Variants in AGMO observed in about 807,000 individuals in gnomAD.
The protein encoded by AGMO is alkylglycerol monooxygenase, also known as glyceryl-ether monooxygenase.
AGMO carries 75 observed loss-of-function variants against 60.2 expected under a neutral mutation model. The ratio of observed to expected loss-of-function variants is 1.25; its 90% CI spans 1.03 to 1.51. The LOEUF (loss-of-function observed/expected upper bound fraction) is 1.51, where lower values mean the gene tolerates loss of function less well. Among genes scored for constraint, AGMO ranks in the 40% most tolerant of loss-of-function variants. AGMO has a pLI of 0.00. For synonymous variants in AGMO, 261 were observed against 177.1 expected (o/e 1.47, Z -3.76); for missense variants, 763 against 525.5 (o/e 1.45, Z -4.42).
At chr7:15,186,067 T>C in the AGMO span, among the ~76,000 whole-genome samples, 7 of 152,318 alleles carry the variant, frequency 4.6e-5, no homozygotes, top group African/African-American at 1.7e-4. Flanking sequence ...GATAGGTACA[T>C]AAATATTCTT....
At chr7:15,202,593 G>T (rs1781326955) in intron 12 of AGMO, among the ~76,000 whole-genome samples, 1 of 150,574 alleles carries the variant, frequency 6.6e-6, no homozygotes, top group African/African-American at 2.4e-5. Context: ...TAGTCAGGTT[G>T]ATGGACTTCT....
At chr7:15,428,491 A>C (rs1050326468) in intron 4 of AGMO, among the ~76,000 whole-genome samples, 3 of 152,162 alleles carry the variant, frequency 2.0e-5, no homozygotes, top group Admixed American at 6.6e-5. Flanking sequence ...GTCTCATTTT[A>C]CATAGATTTT....
intron 3 of AGMO, among the ~76,000 whole-genome samples, chr7:15,484,786 G>A (rs1562530538): frequency 6.6e-6 from 1 of 152,018 alleles, no homozygotes; most frequent in South Asian, 2.1e-4. Flanking sequence ...AAAATTATAT[G>A]AGAAACAACA....
At chr7:15,305,776 A>C (rs1041499674) in intron 12 of AGMO, among the ~76,000 whole-genome samples, 9 of 152,004 alleles carry the variant, frequency 5.9e-5, no homozygotes, top group African/African-American at 2.2e-4. Flanking sequence ...AGAATTCTAG[A>C]GAAATCATAC....
intron 12 of AGMO, among the ~76,000 whole-genome samples, chr7:15,242,877 G>T (rs1398857710): frequency 1.3e-5 from 2 of 151,970 alleles, no homozygotes; most frequent in Non-Finnish European, 2.9e-5. Flanking sequence ...TAAGATAAAT[G>T]ACATTAAGTG....
At chr7:15,485,136 A>G (rs1341670920) in intron 3 of AGMO, among the ~76,000 whole-genome samples, 3 of 137,158 alleles carry the variant, frequency 2.2e-5, no homozygotes, top group Non-Finnish European at 4.5e-5. Context: ...GTCTCTACTA[A>G]AAATACAAAA....
At chr7:15,161,539 T>A in the AGMO span, among the ~76,000 whole-genome samples, 1 of 151,684 alleles carries the variant, frequency 6.6e-6, no homozygotes, top group Non-Finnish European at 1.5e-5. Flanking sequence ...GGATCATATA[T>A]GCATTAATAC....
chr7:15,181,552 C>T, the AGMO span, among the ~76,000 whole-genome samples: 1 of 152,106 alleles, frequency 6.6e-6, no homozygotes, highest in Non-Finnish European at 1.5e-5. Context: ...TAGATACATA[C>T]CTTTTATTCC....
chr7:15,290,988 C>T (rs1290376977), intron 12 of AGMO, among the ~76,000 whole-genome samples: 1 of 151,842 alleles, frequency 6.6e-6, no homozygotes, highest in Non-Finnish European at 1.5e-5. Context: ...AATTTAGCTC[C>T]GTTTTTTCGA....
At chr7:15,148,722 T>C in the AGMO span, among the ~76,000 whole-genome samples, 3 of 152,328 alleles carry the variant, frequency 2.0e-5, no homozygotes, top group African/African-American at 4.8e-5. Flanking sequence ...CAGTCCACTG[T>C]TGATGAGCAG....
At chr7:15,286,213 A>C (rs891683793) in intron 12 of AGMO, among the ~76,000 whole-genome samples, 14 of 152,106 alleles carry the variant, frequency 9.2e-5, no homozygotes, top group Admixed American at 5.9e-4. Context: ...AACAAAAACA[A>C]AAATAAATAG....
At chr7:15,440,019 C>T (rs1781506766) in intron 3 of AGMO, among the ~76,000 whole-genome samples, 2 of 152,146 alleles carry the variant, frequency 1.3e-5, no homozygotes, top group Non-Finnish European at 2.9e-5. Flanking sequence ...GTGTATTTCC[C>T]TTAGCCTGAC....
chr7:15,281,515 C>A (rs1783964665), intron 12 of AGMO, among the ~76,000 whole-genome samples: 1 of 152,094 alleles, frequency 6.6e-6, no homozygotes, highest in South Asian at 2.1e-4. Flanking sequence ...ATAGCCAGAA[C>A]ATTGGGTCAG....
At chr7:15,299,437 T>C (rs1784495629) in intron 12 of AGMO, among the ~76,000 whole-genome samples, 1 of 152,172 alleles carries the variant, frequency 6.6e-6, no homozygotes. Flanking sequence ...TACTCAACTC[T>C]ATCTCAGCAC....
chr7:15,530,777 ATATATTCTATATATACATTTCTC>A (rs1322290768), intron 3 of AGMO, among the ~76,000 whole-genome samples: 2 of 115,822 alleles, frequency 1.7e-5, no homozygotes, highest in Admixed American at 1.8e-4. Context: ...ACATTTCTAT[ATATATTCTATATATACATTTCTC>A]TATATATTCT....
At chr7:15,508,742 A>AAAG (rs1454403812) in intron 3 of AGMO, among the ~76,000 whole-genome samples, 1 of 152,126 alleles carries the variant, frequency 6.6e-6, no homozygotes, top group African/African-American at 2.4e-5. Context: ...GAAAAAAAAA[A>AAAG]AAGTTTTTTT....
intron 12 of AGMO, among the ~76,000 whole-genome samples, chr7:15,227,932 T>C (rs915189642): frequency 2.0e-5 from 3 of 152,090 alleles, no homozygotes; most frequent in Non-Finnish European, 4.4e-5. Flanking sequence ...ATTAGAGTAT[T>C]GGCTTCTCGT....
In AGMO at chr7:15,201,337, G is replaced by C. The variant is rs760867495; in HGVS notation, c.1286C>G (p.Ala429Gly). The C allele has an allele frequency of 1.2e-6, 2 of 1,611,804 alleles. No homozygotes were observed. The highest frequency in any genetic ancestry group is 1.7e-6 in the Non-Finnish European group (2 of 1,178,920). Residue 429 changes from alanine (A) to glycine (G), a missense_variant, in exon 13 of 13, where the codon GCT becomes GGT. Ala to Gly is a moderately conservative substitution (Grantham distance 60). Transcript: ENST00000342526. ...AFEIVFSICI[A>G]FWGVRSMKQL... Reference sequence around the variant, plus strand: ...TTTCATGCTTCTAACTCCCCAGAAAGCAATGCAAATGGAAAAAACAATCTG... The same window carrying C: ...TTTCATGCTTCTAACTCCCCAGAAACCAATGCAAATGGAAAAAACAATCTG...
chr7:15,252,104 T>C (rs1477957037), intron 12 of AGMO, among the ~76,000 whole-genome samples: 1 of 152,220 alleles, frequency 6.6e-6, no homozygotes, highest in Non-Finnish European at 1.5e-5. Context: ...GAAGATCTGA[T>C]TCCCATGCAG....
Sources: allele counts gnomAD v4.1 joint callset (sites outside exome capture counted in the v4.1 genomes callset), GRCh38; gene constraint gnomAD v4.1.1; transcripts MANE v1.5; gene names NCBI Gene and HGNC (gene_info 2026-07-23, HGNC 2026-07-21).